GNAL: variants seen among roughly 807,000 people sequenced by gnomAD.
GNAL encodes G protein subunit alpha L, also known as guanine nucleotide-binding protein G(olf) subunit alpha.
Under a neutral mutation model 55.1 loss-of-function variants are expected in GNAL, and 18 were observed. The observed-to-expected ratio is 0.33, with a 90% confidence interval of 0.23 to 0.48. The LOEUF (loss-of-function observed/expected upper bound fraction) is 0.48. GNAL is among the 20% of genes least tolerant of loss of function. The pLI, the probability that GNAL is intolerant of heterozygous loss-of-function variation, is 0.99. For synonymous variants in GNAL, 253 were observed against 237.0 expected, an observed-to-expected ratio of 1.07 and a Z score of -0.62; for missense variants, 412 against 614.1, an observed-to-expected ratio of 0.67 and a Z score of 3.48.
At chr18:11,737,494 C>T (rs1280964596) in intron 1 of GNAL, among the ~76,000 whole-genome samples, 1 of 152,222 alleles carries the variant, frequency 6.6e-6, no homozygotes, top group Non-Finnish European at 1.5e-5. Flanking sequence ...GCACTCACCT[C>T]CCTGGCTGCA....
chr18:11,743,644 G>A (rs1019491238), intron 1 of GNAL, among the ~76,000 whole-genome samples: 11 of 152,138 alleles, frequency 7.2e-5, no homozygotes, highest in Non-Finnish European at 8.8e-5. Flanking sequence ...TTTTAGACTG[G>A]TTTTGAAACT....
intron 1 of GNAL, among the ~76,000 whole-genome samples, chr18:11,729,106 G>A (rs1003705384): frequency 6.6e-6 from 1 of 152,222 alleles, no homozygotes. Flanking sequence ...CCGCAAACGA[G>A]ATAGTTAACC....
intron 5 of GNAL, among the ~76,000 whole-genome samples, chr18:11,839,703 C>T (rs554114804): frequency 7.5e-4 from 114 of 152,160 alleles, no homozygotes; most frequent in African/African-American, 2.6e-3. Flanking sequence ...GTGGTGTATC[C>T]CTACAATGGA....
chr18:11,850,239 A>G (rs1417692045), intron 5 of GNAL, among the ~76,000 whole-genome samples: 2 of 152,210 alleles, frequency 1.3e-5, no homozygotes, highest in African/African-American at 4.8e-5. Context: ...CATGCTGCAC[A>G]GCAGGTTTAG....
chr18:11,826,692 G>T (rs2035255793), intron 5 of GNAL, among the ~76,000 whole-genome samples: 1 of 152,134 alleles, frequency 6.6e-6, no homozygotes, highest in Non-Finnish European at 1.5e-5. Flanking sequence ...GAGGGTACAG[G>T]GTGAACCACG....
intron 4 of GNAL, among the ~76,000 whole-genome samples, chr18:11,775,427 G>A (rs1261506263): frequency 1.3e-5 from 2 of 152,188 alleles, no homozygotes; most frequent in South Asian, 2.1e-4. Context: ...ACACATGCAC[G>A]CCCCCGTGTA....
At chr18:11,876,428 A>C (rs999736090) in intron 10 of GNAL, among the ~76,000 whole-genome samples, 193 bp from the exon 11 acceptor site, 1 of 135,304 alleles carries the variant, frequency 7.4e-6, no homozygotes, top group Non-Finnish European at 1.6e-5. Context: ...ATGCCACTGC[A>C]CTCCAGCCTG....
chr18:11,750,871 G>A (rs370624686), intron 1 of GNAL, among the ~76,000 whole-genome samples: 2 of 152,122 alleles, frequency 1.3e-5, no homozygotes, highest in East Asian at 3.9e-4. Context: ...TTGCTTGAGG[G>A]AAACCAGCCG....
intron 4 of GNAL, among the ~76,000 whole-genome samples, chr18:11,796,591 A>AC (rs1568031477): frequency 1.3e-4 from 19 of 149,242 alleles, no homozygotes; most frequent in African/African-American, 4.5e-4. Flanking sequence ...AAAAAAAAAA[A>AC]AAAACAAAAC....
Position 11,702,546 on chromosome 18 carries a change from T to C in GNAL, c.376+12607T>C, listed in dbSNP as rs1003490338. On this transcript the variant is annotated intron_variant, in intron 1 of 11. Transcript: ENST00000334049. ...GCTGTGTTACAGGCTACTATTTGTTTATTCAGTAGCAATTACTGACATTCA... is the reference window on the plus strand; with the variant it reads ...GCTGTGTTACAGGCTACTATTTGTTCATTCAGTAGCAATTACTGACATTCA... 7.9e-5 allele frequency among the ~76,000 whole-genome samples: 12 copies of C among 152,220 alleles called. No individual in the cohort carries two copies. In the East Asian group the frequency reaches 2.3e-3, roughly 29 times the overall value.
At position 11,882,129 on chromosome 18, in the gene GNAL, A is replaced by G. The variant is rs1051873726; in HGVS notation, c.*994A>G. 6.6e-6 allele frequency: 1 copy of G among 152,204 alleles called. No homozygotes were observed. The highest frequency in any genetic ancestry group is 2.4e-5 in the African/African-American group (1 of 41,448). 9.4% of individuals were successfully genotyped at this position (152,204 alleles called of 1,614,324 possible). A position where few individuals can be genotyped will look rare whatever the true frequency, so the allele number is the denominator to read the frequency against. ...GTTAATCATCCACATTCTATCGACA[A>G]TGTACCAACATCACAAGCTGTTGCA... On this transcript the variant is annotated 3_prime_UTR_variant, in exon 12 of 12. Coordinates refer to ENST00000334049, the MANE Select transcript of GNAL (RefSeq NM_182978.4).
chr18:11,749,355 C>A (rs560234748), intron 1 of GNAL, among the ~76,000 whole-genome samples: 535 of 152,238 alleles, frequency 3.5e-3, no homozygotes, highest in Non-Finnish European at 6.2e-3. Context: ...AAAAGTAATT[C>A]ATTGCATTTT....
chr18:11,825,440 A>G (rs982522349), intron 5 of GNAL, among the ~76,000 whole-genome samples: 1 of 152,180 alleles, frequency 6.6e-6, no homozygotes, highest in Admixed American at 6.5e-5. Flanking sequence ...CATTAGAAGT[A>G]TACCAGAAGG....
intron 4 of GNAL, 87 bp downstream of exon 4, chr18:11,754,032 T>C (rs2032952056): frequency 3.1e-6 from 3 of 958,766 alleles, no homozygotes; most frequent in Non-Finnish European, 5.0e-6. Context: ...ATATTGATAC[T>C]AATTCATTAT....
At chr18:11,753,991 C>A (rs199647946) in intron 4 of GNAL, 46 bp downstream of exon 4, 207 of 1,425,700 alleles carry the variant, frequency 1.5e-4, no homozygotes, top group Non-Finnish European at 1.9e-4. Flanking sequence ...AAGATGGAAC[C>A]ATTTTTAATA....
At chr18:11,825,080 T>C in intron 5 of GNAL, 65 bp downstream of exon 5, 1 of 852,092 alleles carries the variant, frequency 1.2e-6, no homozygotes, top group Non-Finnish European at 2.0e-6. Flanking sequence ...ATGATTATGC[T>C]GCCTTCTCAG....
chr18:11,690,569 A>G (rs1158897041), intron 1 of GNAL, among the ~76,000 whole-genome samples: 1 of 148,536 alleles, frequency 6.7e-6, no homozygotes, highest in Non-Finnish European at 1.5e-5. Flanking sequence ...TTAACTCGTC[A>G]TTTAGCATTA....
chr18:11,770,262 A>G (rs1427489969), intron 4 of GNAL, among the ~76,000 whole-genome samples: 3 of 152,168 alleles, frequency 2.0e-5, no homozygotes, highest in Admixed American at 1.3e-4. Flanking sequence ...ATTTGAAAAT[A>G]AATTAATAAT....
chr18:11,839,027 A>G (rs2035556801), intron 5 of GNAL, among the ~76,000 whole-genome samples: 1 of 152,354 alleles, frequency 6.6e-6, no homozygotes, highest in African/African-American at 2.4e-5. Flanking sequence ...ATTCCTTTCA[A>G]TAGTTGAACC....
Sources: gnomAD v4.1 joint callset for allele counts (sites outside exome capture counted in the v4.1 genomes callset) on GRCh38, gnomAD v4.1.1 for gene constraint, MANE v1.5 for transcripts, NCBI Gene and HGNC (gene_info 2026-07-23, HGNC 2026-07-21) for gene names.